SLC39A11: variants seen among roughly 807,000 people sequenced by gnomAD.
SLC39A11 encodes zinc transporter ZIP11.
In SLC39A11, 33 loss-of-function variants were observed where a neutral mutation model predicts 36.1. That is an observed-to-expected ratio of 0.91 (90% CI 0.69 to 1.22). The LOEUF (loss-of-function observed/expected upper bound fraction) is 1.22. Among genes scored for constraint, SLC39A11 ranks in the 50% most tolerant of loss-of-function variants. The pLI, the probability that SLC39A11 is intolerant of heterozygous loss-of-function variation, is 0.00. For synonymous variants in SLC39A11, 166 were observed against 170.3 expected, an observed-to-expected ratio of 0.97 and a Z score of 0.20; for missense variants, 432 against 430.3, an observed-to-expected ratio of 1.00 and a Z score of -0.03.
At chr17:72,664,196 T>C (rs1172744118) in intron 7 of SLC39A11, 1 of 152,414 alleles carries the variant, frequency 6.6e-6, no homozygotes, top group Non-Finnish European at 1.5e-5. Flanking sequence ...TTATAAACAG[T>C]TATTATTTCT....
At chr17:72,953,592 G>A (rs1568013253) in intron 4 of SLC39A11, among the ~76,000 whole-genome samples, 1 of 152,164 alleles carries the variant, frequency 6.6e-6, no homozygotes, top group Non-Finnish European at 1.5e-5. Context: ...TGAGAAACAG[G>A]CCAGAGCATC....
chr17:72,949,997 CCCTT>C (rs1204217007), intron 4 of SLC39A11, among the ~76,000 whole-genome samples: 2 of 138,198 alleles, frequency 1.4e-5, no homozygotes, highest in African/African-American at 2.7e-5. Flanking sequence ...ACACACACAC[CCCTT>C]CTTGTTTTTT....
At chr17:72,675,691 T>C (rs1041969785) in intron 7 of SLC39A11, among the ~76,000 whole-genome samples, 1 of 151,460 alleles carries the variant, frequency 6.6e-6, no homozygotes, top group African/African-American at 2.4e-5. Flanking sequence ...GATGTCCCAA[T>C]TGTGTGTGTA....
intron 2 of SLC39A11, among the ~76,000 whole-genome samples, chr17:73,085,383 T>C (rs1173838662): frequency 1.3e-5 from 2 of 151,940 alleles, no homozygotes; most frequent in South Asian, 2.1e-4. Flanking sequence ...CAAGGGTTCA[T>C]GCCTATAATC....
At chr17:73,061,773 T>A (rs936208258) in intron 3 of SLC39A11, among the ~76,000 whole-genome samples, 3 of 152,036 alleles carry the variant, frequency 2.0e-5, no homozygotes, top group Non-Finnish European at 4.4e-5. Context: ...GGCGAGTGAA[T>A]TGCTTCTGCT....
chr17:73,029,809 T>C (rs2058682347), intron 4 of SLC39A11, among the ~76,000 whole-genome samples: 1 of 152,170 alleles, frequency 6.6e-6, no homozygotes. Context: ...CTCTAACTCC[T>C]GGCCTCAAGT....
intron 4 of SLC39A11, among the ~76,000 whole-genome samples, chr17:73,014,573 C>T (rs192424929): frequency 2.0e-5 from 3 of 150,012 alleles, no homozygotes; most frequent in Admixed American, 6.6e-5. Flanking sequence ...AAGAGGATCG[C>T]GTGAGCCTGG....
chr17:72,805,522 A>AG (rs1348607054), intron 6 of SLC39A11, among the ~76,000 whole-genome samples: 1 of 152,172 alleles, frequency 6.6e-6, no homozygotes, highest in Admixed American at 6.5e-5. Context: ...TGTGCTGTCA[A>AG]GGCAGATTTA....
At chr17:72,965,778 T>TA (rs1235382693) in intron 4 of SLC39A11, among the ~76,000 whole-genome samples, 1 of 152,156 alleles carries the variant, frequency 6.6e-6, no homozygotes, top group Admixed American at 6.5e-5. Flanking sequence ...TGCAGGGAGA[T>TA]ACAAGGTGCC....
chr17:72,757,702 A>C (rs2075410939), intron 6 of SLC39A11, among the ~76,000 whole-genome samples: 2 of 147,510 alleles, frequency 1.4e-5, no homozygotes, highest in African/African-American at 5.1e-5. Context: ...CTGGCTCCTC[A>C]TGCGTCATTT....
At chr17:72,655,678 G>A (rs564660557) in intron 7 of SLC39A11, among the ~76,000 whole-genome samples, 252 of 152,336 alleles carry the variant, frequency 1.7e-3, no homozygotes, top group Non-Finnish European at 2.2e-3. Flanking sequence ...AATGCATCAG[G>A]AGCCTGCAAC....
intron 6 of SLC39A11, among the ~76,000 whole-genome samples, chr17:72,785,847 G>A (rs1050835923): frequency 6.6e-6 from 1 of 152,210 alleles, no homozygotes; most frequent in Admixed American, 6.5e-5. Flanking sequence ...GTCACTCAGA[G>A]ATGCTAAATG....
chr17:72,959,371 G>A (rs1227390564), intron 4 of SLC39A11, among the ~76,000 whole-genome samples: 1 of 109,142 alleles, frequency 9.2e-6, no homozygotes, highest in Non-Finnish European at 1.9e-5. Context: ...ATATATGATC[G>A]AATACTACAC....
chr17:72,705,687 A>G (rs2143168097), intron 7 of SLC39A11, among the ~76,000 whole-genome samples: 1 of 152,254 alleles, frequency 6.6e-6, no homozygotes, highest in South Asian at 2.1e-4. Flanking sequence ...CTGCTCTTAC[A>G]TTAATGTGAC....
intron 5 of SLC39A11, among the ~76,000 whole-genome samples, chr17:72,896,713 G>T (rs1294617835): frequency 6.6e-6 from 1 of 151,996 alleles, no homozygotes; most frequent in Non-Finnish European, 1.5e-5. Flanking sequence ...AATTTTGCCT[G>T]TACCAGGGAG....
At chr17:72,784,972 G>A (rs1168312288) in intron 6 of SLC39A11, among the ~76,000 whole-genome samples, 1 of 150,996 alleles carries the variant, frequency 6.6e-6, no homozygotes, top group Admixed American at 6.6e-5. Context: ...CGATTCTCCT[G>A]CCTCAGTCTC....
At chr17:72,947,611 G>T in intron 5 of SLC39A11, 141 bp downstream of exon 5, 1 of 1,239,930 alleles carries the variant, frequency 8.1e-7, no homozygotes, top group African/African-American at 1.5e-5. Flanking sequence ...CCATGCAGTA[G>T]TAGGGTGAGT....
At chr17:72,657,188 C>T (rs980570096) in intron 7 of SLC39A11, among the ~76,000 whole-genome samples, 5 of 151,832 alleles carry the variant, frequency 3.3e-5, no homozygotes, top group Admixed American at 3.3e-4. Flanking sequence ...GGTGAAACTC[C>T]GTCTTTACTA....
In SLC39A11 at chr17:72,950,194, T is replaced by G. The variant is rs1598551541; in HGVS notation, c.307-2319A>C. Among the ~76,000 whole-genome samples the G allele has an allele frequency of 2.6e-5, 4 of 152,214 alleles. No homozygotes were observed. In the South Asian group the frequency reaches 8.3e-4, roughly 32 times the overall value. On this transcript the variant is annotated intron_variant, in intron 4 of 9. Transcript: ENST00000255559. ...GATGTCCTCTATGAATGTCTTTTAA[T>G]AAAGGTGCCAACACCCCCATGTAAC...
Sources: allele counts gnomAD v4.1 joint callset (sites outside exome capture counted in the v4.1 genomes callset), GRCh38; gene constraint gnomAD v4.1.1; transcripts MANE v1.5; gene names NCBI Gene and HGNC (gene_info 2026-07-23, HGNC 2026-07-21).